DLGAP2: variants seen among roughly 807,000 people sequenced by gnomAD.
DLGAP2 encodes disks large-associated protein 2.
Under a neutral mutation model 100.3 loss-of-function variants are expected in DLGAP2, and 26 were observed. The ratio of observed to expected loss-of-function variants is 0.26; its 90% CI spans 0.19 to 0.36. DLGAP2 has a LOEUF of 0.36. Among genes scored for constraint, DLGAP2 ranks in the 10% least tolerant of loss-of-function variants. DLGAP2 has a pLI of 1.00. For missense variants in DLGAP2, 1,858 were observed against 1,453.2 expected, an observed-to-expected ratio of 1.28 and a Z score of -4.53; for synonymous variants, 886 against 630.1, an observed-to-expected ratio of 1.41 and a Z score of -6.08.
chr8:1,284,960 G>T (rs905971934), intron 3 of DLGAP2, among the ~76,000 whole-genome samples: 2 of 152,142 alleles, frequency 1.3e-5, no homozygotes, highest in Non-Finnish European at 2.9e-5. Flanking sequence ...CAGATTCTTA[G>T]GGCTCAAAGC....
Position 1,668,546 on chromosome 8 carries a change from G to T in DLGAP2, c.2028G>T (p.Ala676=). ...ACAGCAACAAGGCCATGAACCTCGC[G>T]CTGGAAACGGCCGCTGCCCAGCGCC... The part of the protein sequence containing the change: ...SLDSNKAMNL[A]LETAAAQRHL... Residue 676 remains alanine (A), a synonymous_variant, in exon 9 of 15, where the codon GCG becomes GCT. Coordinates refer to ENST00000637795, the MANE Select transcript of DLGAP2 (RefSeq NM_001346810.2). 1.9e-6 allele frequency: 3 copies of T among 1,590,664 alleles called. No homozygotes were observed. Among genetic ancestry groups the T allele is most frequent in the Non-Finnish European group, 2.6e-6 (3 of 1,169,882 alleles).
chr8:800,214 A>G (rs1669645670), intron 1 of DLGAP2, among the ~76,000 whole-genome samples: 2 of 152,122 alleles, frequency 1.3e-5, no homozygotes, highest in African/African-American at 4.8e-5. Context: ...CTGCGTGAGG[A>G]CTTTGTGCGG....
intron 3 of DLGAP2, among the ~76,000 whole-genome samples, chr8:1,289,342 T>C (rs567795034): frequency 6.6e-6 from 1 of 152,320 alleles, no homozygotes; most frequent in South Asian, 2.1e-4. Context: ...AGAAGACACA[T>C]TTAACAAGTC....
At chr8:1,615,363 G>A (rs1047674567) in intron 6 of DLGAP2, among the ~76,000 whole-genome samples, 8 of 152,186 alleles carry the variant, frequency 5.3e-5, no homozygotes, top group African/African-American at 1.2e-4. Context: ...AGCAGGTGCC[G>A]GGGTCTCTGC....
intron 2 of DLGAP2, among the ~76,000 whole-genome samples, chr8:1,220,512 T>C (rs1212768444): frequency 6.6e-6 from 1 of 152,200 alleles, no homozygotes; most frequent in Non-Finnish European, 1.5e-5. Flanking sequence ...TGAGAATGGC[T>C]GTATGGCCAA....
At chr8:921,488 T>TGTGGCCAC (rs1251656993) in intron 2 of DLGAP2, among the ~76,000 whole-genome samples, 1 of 152,256 alleles carries the variant, frequency 6.6e-6, no homozygotes, top group Non-Finnish European at 1.5e-5. Flanking sequence ...TGAGCATTTC[T>TGTGGCCAC]GTGGCCACGT....
At chr8:806,706 A>G (rs930932058) in intron 1 of DLGAP2, among the ~76,000 whole-genome samples, 6 of 152,196 alleles carry the variant, frequency 3.9e-5, no homozygotes, top group African/African-American at 1.2e-4. Flanking sequence ...AGAAGTCGTG[A>G]TGGATTAAAC....
intron 1 of DLGAP2, among the ~76,000 whole-genome samples, chr8:820,767 T>C (rs768485881): frequency 1.3e-5 from 2 of 152,198 alleles, no homozygotes; most frequent in Non-Finnish European, 2.9e-5. Flanking sequence ...TTAAAAAATG[T>C]ATGCAGAATT....
chr8:940,141 G>T (rs1248509581), intron 2 of DLGAP2, among the ~76,000 whole-genome samples: 1 of 152,088 alleles, frequency 6.6e-6, no homozygotes, highest in Non-Finnish European at 1.5e-5. Flanking sequence ...GGGGCCTGAA[G>T]ACATGGCTTA....
chr8:814,211 T>C (rs1365642266), intron 1 of DLGAP2, among the ~76,000 whole-genome samples: 1 of 152,198 alleles, frequency 6.6e-6, no homozygotes, highest in African/African-American at 2.4e-5. Context: ...GAATAGACAT[T>C]ATAACACCTC....
In DLGAP2 at chr8:879,979, A is replaced by G. The variant is rs372953275; in HGVS notation, c.19-27933A>G. 7.4e-4 allele frequency among the ~76,000 whole-genome samples: 113 copies of G among 152,230 alleles called. 1 individual carries two copies. The South Asian group carries it at 0.022, about 30-fold the overall frequency. ...GAGTCTGCAGCCTCCTTCTTTACTC[A>G]TTTGATCTCAGCAACCAGTGGGTGC... On this transcript the variant is annotated intron_variant, in intron 1 of 14. Coordinates refer to ENST00000637795, the MANE Select transcript of DLGAP2 (RefSeq NM_001346810.2).
chr8:874,791 TCCA>T (rs949678467), intron 1 of DLGAP2, among the ~76,000 whole-genome samples: 3 of 152,320 alleles, frequency 2.0e-5, no homozygotes, highest in Admixed American at 2.0e-4. Flanking sequence ...AGTTGATCTA[TCCA>T]TCATTAAGAG....
intron 2 of DLGAP2, among the ~76,000 whole-genome samples, chr8:1,126,132 A>T (rs1796158209): frequency 6.6e-6 from 1 of 152,194 alleles, no homozygotes; most frequent in Non-Finnish European, 1.5e-5. Flanking sequence ...TGAATACGTG[A>T]GGCAGTGGTG....
At chr8:1,594,310 A>G (rs1796382018) in intron 6 of DLGAP2, among the ~76,000 whole-genome samples, 1 of 152,214 alleles carries the variant, frequency 6.6e-6, no homozygotes. Flanking sequence ...AGAGAATTCA[A>G]AACAAGGGAT....
At position 1,227,171 on chromosome 8, in the gene DLGAP2, T is replaced by TATATATATATATATATATATATAC. The variant is rs1563265032; in HGVS notation, c.74-31677_74-31676insTATATATATATATATATATACATA. ...ACTGTGAGATATATATATATATATATATAGTATAGATATATATTATCCATT... is the reference window on the plus strand; with the variant it reads ...ACTGTGAGATATATATATATATATATATATATATATATATATATATATACATAGTATAGATATATATTATCCATT... On this transcript the variant is annotated intron_variant, in intron 2 of 14. Coordinates refer to ENST00000637795, the MANE Select transcript of DLGAP2 (RefSeq NM_001346810.2). Among the ~76,000 whole-genome samples the TATATATATATATATATATATATAC allele has an allele frequency of 3.7e-5, 5 of 135,418 alleles. No homozygotes were observed. In the East Asian group the frequency reaches 1.0e-3, roughly 28 times the overall value. The allele number at this position is 135,418 out of a possible 152,430, so 88.8% of individuals were successfully genotyped here. A position where few individuals can be genotyped will look rare whatever the true frequency, so the allele number is the denominator to read the frequency against.
intron 2 of DLGAP2, among the ~76,000 whole-genome samples, chr8:1,139,250 G>T (rs1266684385): frequency 3.3e-5 from 5 of 152,232 alleles, no homozygotes; most frequent in Admixed American, 2.6e-4. Context: ...CGTTGCCCCT[G>T]TGTTCTCTGC....
chr8:1,667,238 A>G (rs1372258124), intron 8 of DLGAP2, among the ~76,000 whole-genome samples: 2 of 152,242 alleles, frequency 1.3e-5, no homozygotes, highest in Admixed American at 1.3e-4. Context: ...CTCTATAAAA[A>G]TAAGTTATAG....
chr8:1,365,518 T>A (rs1310005052), intron 3 of DLGAP2, among the ~76,000 whole-genome samples: 1 of 152,174 alleles, frequency 6.6e-6, no homozygotes, highest in African/African-American at 2.4e-5. Flanking sequence ...AGGTCCAGGA[T>A]GGCAGGTCCG....
intron 2 of DLGAP2, among the ~76,000 whole-genome samples, chr8:1,155,525 T>C (rs886232064): frequency 8.5e-5 from 13 of 152,178 alleles, no homozygotes; most frequent in African/African-American, 3.1e-4. Context: ...GGCAGGAGGC[T>C]GTTGACGACA....
Sources: gnomAD v4.1 joint callset for allele counts (sites outside exome capture counted in the v4.1 genomes callset) on GRCh38, gnomAD v4.1.1 for gene constraint, MANE v1.5 for transcripts, NCBI Gene and HGNC (gene_info 2026-07-23, HGNC 2026-07-21) for gene names.